Variants in PRKAR1A observed in about 807,000 individuals in gnomAD.
PRKAR1A encodes the protein cAMP-dependent protein kinase type I-alpha regulatory subunit.
Under a neutral mutation model 52.0 loss-of-function variants are expected in PRKAR1A, and 3 were observed. The ratio of observed to expected loss-of-function variants is 0.06; its 90% CI spans 0.03 to 0.15. The LOEUF (loss-of-function observed/expected upper bound fraction) is 0.15. Among genes scored for constraint, PRKAR1A ranks in the 10% least tolerant of loss-of-function variants. The pLI is 1.00. For missense variants in PRKAR1A, 240 were observed against 477.4 expected (o/e 0.50, Z 4.63); for synonymous variants, 188 against 168.4 (o/e 1.12, Z -0.90).
intron 9 of PRKAR1A, among the ~76,000 whole-genome samples, chr17:68,529,429 G>A (rs1260487367): frequency 1.3e-5 from 2 of 152,182 alleles, no homozygotes; most frequent in Non-Finnish European, 2.9e-5. Flanking sequence ...TTGCTAAGCG[G>A]ATCCAAGTGG....
rs1339356954 is a variant in PRKAR1A, at chr17:68,530,503, T to C, written c.*54T>C. 2 of 1,613,646 alleles carry C rather than the reference T, an allele frequency of 1.2e-6. No homozygotes were observed. Among genetic ancestry groups the C allele is most frequent in the Non-Finnish European group, 1.7e-6 (2 of 1,179,852 alleles). Reference sequence around the variant, plus strand: ...CTCTCCCCAATCCATGCTTCACTCATGCAAACTGCTTTATTTTCCCTACTT... The same window carrying C: ...CTCTCCCCAATCCATGCTTCACTCACGCAAACTGCTTTATTTTCCCTACTT... On this transcript the variant is annotated 3_prime_UTR_variant, in exon 11 of 11. Coordinates refer to ENST00000589228, the MANE Select transcript of PRKAR1A (RefSeq NM_002734.5).
the PRKAR1A span, among the ~76,000 whole-genome samples, chr17:68,463,903 A>C: frequency 1.3e-5 from 2 of 152,330 alleles, no homozygotes; most frequent in African/African-American, 4.8e-5. Flanking sequence ...GGAGATTCAC[A>C]ATTCACTTTA....
chr17:68,534,478 A>G (rs954903961), downstream of PRKAR1A, among the ~76,000 whole-genome samples: 2 of 151,538 alleles, frequency 1.3e-5, no homozygotes, highest in African/African-American at 4.9e-5. Context: ...CCCAACACAC[A>G]TGTTCCCAAC....
intron 1 of PRKAR1A, 182 bp from the exon 2 acceptor site, chr17:68,515,212 T>G (rs1219617891): frequency 4.6e-6 from 3 of 647,014 alleles, no homozygotes; most frequent in African/African-American, 3.6e-5. Context: ...AAACATTTAC[T>G]TGGAATAATG....
In PRKAR1A at chr17:68,533,068, A is replaced by T. The variant is rs1355739950; in HGVS notation, c.*2619A>T. 49 of 1,065,542 alleles carry T rather than the reference A, an allele frequency of 4.6e-5. No homozygotes were observed. Among genetic ancestry groups the T allele is most frequent in the Non-Finnish European group, 5.6e-5 (49 of 879,562 alleles). 66.0% of individuals were successfully genotyped at this position (1,065,542 alleles called of 1,614,324 possible). On this transcript the variant is annotated 3_prime_UTR_variant, in exon 11 of 11. Transcript: ENST00000589228. Reference sequence around the variant, plus strand: ...GACAGATTGGTTCTGTGGCCTTGGAACTTTCCCAGACTTAATGGGGAAACA... The same window carrying T: ...GACAGATTGGTTCTGTGGCCTTGGATCTTTCCCAGACTTAATGGGGAAACA...
chr17:68,540,861 C>T lies in PRKAR1A; in HGVS notation c.974-10223C>T, dbSNP rs377432171. The T allele has an allele frequency of 4.7e-5, 75 of 1,600,776 alleles. No individual in the cohort carries two copies. Among genetic ancestry groups the T allele is most frequent in the Non-Finnish European group, 5.6e-5 (66 of 1,173,464 alleles). Reference sequence around the variant, plus strand: ...TGTGGGGACCTACCTATCAAGAAGTCGAAGATGGCCATGTCGATGACATTG... The same window carrying T: ...TGTGGGGACCTACCTATCAAGAAGTTGAAGATGGCCATGTCGATGACATTG... On this transcript the variant is annotated intron_variant, in intron 11 of 11. Transcript: ENST00000585981.
chr17:68,493,275 T>C, the PRKAR1A span, among the ~76,000 whole-genome samples: 8 of 152,076 alleles, frequency 5.3e-5, no homozygotes, highest in Non-Finnish European at 7.4e-5. Flanking sequence ...ATCCTGCCCA[T>C]GTACCCCTGA....
At chr17:68,418,565 TA>T in the PRKAR1A span, among the ~76,000 whole-genome samples, 1 of 152,360 alleles carries the variant, frequency 6.6e-6, no homozygotes. Flanking sequence ...TTTCAAATTT[TA>T]TTTCTGGCCA....
At chr17:68,523,353 G>A (rs2085678441) in intron 3 of PRKAR1A, among the ~76,000 whole-genome samples, 1 of 152,182 alleles carries the variant, frequency 6.6e-6, no homozygotes, top group Non-Finnish European at 1.5e-5. Context: ...GAACAGAATT[G>A]TCCTGGCACT....
chr17:68,517,844 G>A (rs2085481529), intron 2 of PRKAR1A, among the ~76,000 whole-genome samples: 1 of 152,170 alleles, frequency 6.6e-6, no homozygotes, highest in South Asian at 2.1e-4. Context: ...CTGAGGCAAG[G>A]CAAGTCCCTT....
At chr17:68,509,025 G>A (rs1446456943), upstream of PRKAR1A, among the ~76,000 whole-genome samples, 1 of 152,100 alleles carries the variant, frequency 6.6e-6, no homozygotes, top group East Asian at 1.9e-4. Flanking sequence ...TTTAGCCAAT[G>A]GAAACTTTAG....
chr17:68,437,018 G>A, the PRKAR1A span, among the ~76,000 whole-genome samples: 11 of 80,068 alleles, frequency 1.4e-4, no homozygotes, highest in African/African-American at 2.8e-4. Context: ...ATATATATAT[G>A]TGTGTGTGTG....
intron 3 of PRKAR1A, among the ~76,000 whole-genome samples, chr17:68,523,270 A>G (rs1490889449): frequency 6.6e-6 from 1 of 152,082 alleles, no homozygotes; most frequent in Admixed American, 6.5e-5. Flanking sequence ...TTATTCTACG[A>G]GCCTCATTTG....
the PRKAR1A span, among the ~76,000 whole-genome samples, chr17:68,489,340 T>C: frequency 8.2e-5 from 1 of 12,190 alleles, no homozygotes. Context: ...ATATGGAAAG[T>C]ATATATATAT....
the PRKAR1A span, among the ~76,000 whole-genome samples, chr17:68,465,161 T>C: frequency 6.6e-6 from 1 of 152,002 alleles, no homozygotes; most frequent in Non-Finnish European, 1.5e-5. Flanking sequence ...CTCCATCACC[T>C]GACCTCGTGA....
the PRKAR1A span, among the ~76,000 whole-genome samples, chr17:68,433,990 C>T: frequency 6.6e-6 from 1 of 151,900 alleles, no homozygotes; most frequent in Non-Finnish European, 1.5e-5. Context: ...ACCATGTTGG[C>T]CAGGCTGGTC....
the PRKAR1A span, among the ~76,000 whole-genome samples, chr17:68,430,807 GGT>G: frequency 2.0e-5 from 3 of 152,190 alleles, no homozygotes; most frequent in Non-Finnish European, 2.9e-5. Flanking sequence ...CCACACAGAG[GGT>G]GGCACATTGA....
the PRKAR1A span, among the ~76,000 whole-genome samples, chr17:68,474,448 G>T: frequency 2.0e-5 from 3 of 152,290 alleles, no homozygotes; most frequent in South Asian, 6.2e-4. Context: ...AGTGCCCCGG[G>T]GGCCCGCTTG....
the PRKAR1A span, among the ~76,000 whole-genome samples, chr17:68,486,493 CCT>C: frequency 2.3e-4 from 11 of 48,312 alleles, no homozygotes; most frequent in Non-Finnish European, 3.7e-4. Flanking sequence ...TTCCTTCCTT[CCT>C]TCCTTCCTTC....
Sources: gnomAD v4.1 joint callset for allele counts (sites outside exome capture counted in the v4.1 genomes callset) on GRCh38, gnomAD v4.1.1 for gene constraint, MANE v1.5 for transcripts, NCBI Gene and HGNC (gene_info 2026-07-23, HGNC 2026-07-21) for gene names.